NELL2: variants seen among roughly 807,000 people sequenced by gnomAD.
NELL2 encodes neural EGFL like 2, also known as protein kinase C-binding protein NELL2.
In NELL2, 41 loss-of-function variants were observed where a neutral mutation model predicts 109.6. The observed-to-expected ratio is 0.37, with a 90% confidence interval of 0.29 to 0.49. NELL2 has a LOEUF of 0.49. Ranked by LOEUF, NELL2 falls within the 20% of genes least tolerant of loss-of-function variation. NELL2 has a pLI of 0.98. For missense variants in NELL2, 900 were observed against 1,008.3 expected, an observed-to-expected ratio of 0.89 and a Z score of 1.45; for synonymous variants, 355 against 344.7, an observed-to-expected ratio of 1.03 and a Z score of -0.33.
chr12:44,777,320 T>C lies in NELL2; in HGVS notation c.607-6A>G. The C allele has an allele frequency of 6.2e-7, 1 of 1,611,676 alleles. No homozygotes were observed. The highest frequency in any genetic ancestry group is 8.5e-7 in the Non-Finnish European group (1 of 1,177,920). ...TGGACATCTTGCATTATACCCTGTGTGTGAAAAATAGAAAAAAAAGACATA... is the reference window on the plus strand; with the variant it reads ...TGGACATCTTGCATTATACCCTGTGCGTGAAAAATAGAAAAAAAAGACATA... On this transcript the variant is annotated splice_polypyrimidine_tract_variant and splice_region_variant and intron_variant, in intron 5 of 19. Transcript: ENST00000429094.
intron 15 of NELL2, among the ~76,000 whole-genome samples, chr12:44,553,348 C>T (rs1301717732): frequency 6.6e-6 from 1 of 151,356 alleles, no homozygotes; most frequent in Non-Finnish European, 1.5e-5. Flanking sequence ...CCTAATATAA[C>T]CTTTGACCCT....
chr12:44,841,123 C>T (rs1944213848), intron 2 of NELL2, among the ~76,000 whole-genome samples: 1 of 152,172 alleles, frequency 6.6e-6, no homozygotes, highest in Non-Finnish European at 1.5e-5. Context: ...GGCAATATCT[C>T]AGAAACCTTT....
chr12:44,802,006 T>C (rs1466130625), intron 3 of NELL2, among the ~76,000 whole-genome samples: 1 of 152,160 alleles, frequency 6.6e-6, no homozygotes, highest in Non-Finnish European at 1.5e-5. Flanking sequence ...TCCCTTTTCA[T>C]ATCTAGAACT....
chr12:44,686,462 C>A (rs1460900727), intron 12 of NELL2, among the ~76,000 whole-genome samples: 1 of 152,202 alleles, frequency 6.6e-6, no homozygotes, highest in Non-Finnish European at 1.5e-5. Flanking sequence ...TGTTGAGGAA[C>A]TGCGTTCCTT....
At chr12:44,620,154 T>C (rs1946000272) in intron 13 of NELL2, among the ~76,000 whole-genome samples, 1 of 149,232 alleles carries the variant, frequency 6.7e-6, no homozygotes, top group African/African-American at 2.5e-5. Context: ...AAGAAGAAGA[T>C]AGAAGTAAAA....
At chr12:44,539,297 G>T (rs1942434914) in intron 15 of NELL2, among the ~76,000 whole-genome samples, 1 of 151,910 alleles carries the variant, frequency 6.6e-6, no homozygotes, top group Non-Finnish European at 1.5e-5. Flanking sequence ...ATAAATTTCA[G>T]ATTTATTAGT....
intron 12 of NELL2, among the ~76,000 whole-genome samples, chr12:44,674,766 A>G (rs1033600301): frequency 5.3e-5 from 8 of 152,130 alleles, no homozygotes; most frequent in African/African-American, 1.7e-4. Flanking sequence ...AGGTAAGAAG[A>G]CCTTTTATGA....
At chr12:44,775,052 C>T (rs1254973393) in intron 8 of NELL2, among the ~76,000 whole-genome samples, 1 of 152,228 alleles carries the variant, frequency 6.6e-6, no homozygotes, top group Non-Finnish European at 1.5e-5. Context: ...AATTTGATTC[C>T]TAAAGGTGGC....
chr12:44,512,915 A>G (rs1941064954), intron 19 of NELL2, among the ~76,000 whole-genome samples: 1 of 152,052 alleles, frequency 6.6e-6, no homozygotes, highest in Non-Finnish European at 1.5e-5. Flanking sequence ...TAGGATAAAT[A>G]TAATTAATAA....
intron 2 of NELL2, among the ~76,000 whole-genome samples, chr12:44,822,180 A>T (rs1943568088): frequency 6.6e-6 from 1 of 152,200 alleles, no homozygotes; most frequent in South Asian, 2.1e-4. Context: ...AGCCAGAAGC[A>T]TGAGGTTCCA....
rs141580432 is a variant in NELL2 at position 44,517,328 on chromosome 12, A to C, written c.2400+2677T>G. ...TCAAGTTTGTAGTTTTTGATAGATAAAGGCAACATTTACAAATGTCTGGTA... is the reference window on the plus strand; with the variant it reads ...TCAAGTTTGTAGTTTTTGATAGATACAGGCAACATTTACAAATGTCTGGTA... On this transcript the variant is annotated intron_variant, in intron 19 of 19. Transcript: ENST00000429094. 1.4e-3 allele frequency among the ~76,000 whole-genome samples: 209 copies of C among 150,616 alleles called. 1 individual carries two copies. Among genetic ancestry groups the C allele is most frequent in the African/African-American group, 4.7e-3 (194 of 41,066 alleles).
intron 3 of NELL2, among the ~76,000 whole-genome samples, chr12:44,781,325 A>G (rs1207373631): frequency 6.6e-6 from 1 of 152,070 alleles, no homozygotes. Context: ...GAAGACAGAA[A>G]AAAAAGCATC....
intron 15 of NELL2, among the ~76,000 whole-genome samples, chr12:44,603,634 T>C (rs1945298317): frequency 6.6e-6 from 1 of 152,184 alleles, no homozygotes; most frequent in African/African-American, 2.4e-5. Context: ...GAAGTTATGC[T>C]GTACATGCGG....
chr12:44,725,668 C>A (rs1165079569), intron 9 of NELL2, among the ~76,000 whole-genome samples: 2 of 152,170 alleles, frequency 1.3e-5, no homozygotes, highest in Admixed American at 1.3e-4. Flanking sequence ...AAACACTATG[C>A]AGCCATAAAA....
intron 2 of NELL2, among the ~76,000 whole-genome samples, chr12:44,870,210 T>A (rs1195762377): frequency 6.6e-6 from 1 of 152,166 alleles, no homozygotes; most frequent in Non-Finnish European, 1.5e-5. Context: ...CAGAGGTGAT[T>A]TAGATTTTCT....
Position 44,523,336 on chromosome 12 carries a change from C to G in NELL2, c.1953G>C (p.Gln651His). The G allele has an allele frequency of 6.2e-7, 1 of 1,614,180 alleles. No individual in the cohort carries two copies. Among genetic ancestry groups the G allele is most frequent in the Non-Finnish European group, 8.5e-7 (1 of 1,180,006 alleles). ...IHDGKVKHNG[Q>H]IWVLENDRCS... Reference sequence around the variant, plus strand: ...ACCTGTCATTTTCCAACACCCAAATCTGACCATTGTGCTTAACTTTTCCAT... The same window carrying G: ...ACCTGTCATTTTCCAACACCCAAATGTGACCATTGTGCTTAACTTTTCCAT... Residue 651 changes from glutamine to histidine, a missense_variant, in exon 17 of 20, where the codon CAG becomes CAC. Physicochemically the swap from Gln to His is conservative, Grantham distance 24. Coordinates refer to ENST00000429094, the MANE Select transcript of NELL2 (RefSeq NM_001145108.2).
intron 15 of NELL2, among the ~76,000 whole-genome samples, chr12:44,565,754 G>T (rs1943634627): frequency 1.3e-5 from 2 of 152,116 alleles, no homozygotes; most frequent in South Asian, 4.1e-4. Flanking sequence ...CAAATAGAAT[G>T]CTGAATACAT....
chr12:44,784,452 T>C (rs1942085079), intron 3 of NELL2, among the ~76,000 whole-genome samples: 1 of 151,722 alleles, frequency 6.6e-6, no homozygotes, highest in Admixed American at 6.6e-5. Context: ...TCTCAATAAA[T>C]CTAGAGGAGT....
intron 2 of NELL2, among the ~76,000 whole-genome samples, chr12:44,847,924 C>A (rs897418870): frequency 6.7e-6 from 1 of 149,322 alleles, no homozygotes; most frequent in Admixed American, 6.8e-5. Flanking sequence ...CCCAAGTACT[C>A]GGGAGGCTGA....
Sources: allele counts gnomAD v4.1 joint callset (sites outside exome capture counted in the v4.1 genomes callset), GRCh38; gene constraint gnomAD v4.1.1; transcripts MANE v1.5; gene names NCBI Gene and HGNC (gene_info 2026-07-23, HGNC 2026-07-21).